Variants in MAN1C1 observed in about 807,000 individuals in gnomAD.
The protein encoded by MAN1C1 is mannosidase alpha class 1C member 1.
MAN1C1 carries 49 observed loss-of-function variants against 71.5 expected under a neutral mutation model. The ratio of observed to expected loss-of-function variants is 0.69; its 90% CI spans 0.54 to 0.87. The LOEUF (loss-of-function observed/expected upper bound fraction) is 0.87, where lower values mean the gene tolerates loss of function less well. Ranked by LOEUF, MAN1C1 falls within the 40% of genes least tolerant of loss-of-function variation. The pLI is 0.00. For synonymous variants in MAN1C1, 352 were observed against 343.7 expected (o/e 1.02, Z -0.27); for missense variants, 743 against 835.0 (o/e 0.89, Z 1.36).
chr1:25,634,119 A>AT lies in MAN1C1; in HGVS notation c.540+15788dup, dbSNP rs201099257. On this transcript the variant is annotated intron_variant, in intron 1 of 11. Transcript: ENST00000374332. This position sits in a 1 kb window ranked among gnomAD's most constrained non-coding sequence, Gnocchi z 4.6. Reference sequence around the variant, plus strand: ...TTGAACCAATTTATTATGTATATATATTTTTTGGTAGCTTTCTTAGGATCT... The same window carrying AT: ...TTGAACCAATTTATTATGTATATATATTTTTTTGGTAGCTTTCTTAGGATCT... 7.9e-5 allele frequency among the ~76,000 whole-genome samples: 12 copies of AT among 152,222 alleles called. No homozygotes were observed. In the East Asian group the frequency reaches 2.3e-3, roughly 29 times the overall value.
chr1:25,766,835 C>T (rs927382738), intron 7 of MAN1C1, among the ~76,000 whole-genome samples: 1 of 152,072 alleles, frequency 6.6e-6, no homozygotes, highest in African/African-American at 2.4e-5. Context: ...TCCAGACCTC[C>T]TTGGTAGGTA....
At chr1:25,736,820 C>G (rs1331038240) in intron 2 of MAN1C1, among the ~76,000 whole-genome samples, 2 of 152,354 alleles carry the variant, frequency 1.3e-5, no homozygotes, top group East Asian at 3.9e-4. Context: ...AGCCACTGCA[C>G]CCCGGCTCAT....
At chr1:25,624,998 A>ATTTTTTT (rs1032269792) in intron 1 of MAN1C1, among the ~76,000 whole-genome samples, 55 of 101,590 alleles carry the variant, frequency 5.4e-4, no homozygotes, top group Admixed American at 7.8e-4. Flanking sequence ...AAATGCACAG[A>ATTTTTTT]TTTTTTTTTT....
intron 2 of MAN1C1, chr1:25,709,555 A>G (rs958183232): frequency 6.6e-6 from 1 of 152,206 alleles, no homozygotes; most frequent in African/African-American, 2.4e-5. Context: ...AGTTGTGTTA[A>G]TCAGATGTGG....
intron 1 of MAN1C1, among the ~76,000 whole-genome samples, chr1:25,650,046 T>C (rs990029733): frequency 2.6e-5 from 4 of 151,718 alleles, no homozygotes; most frequent in South Asian, 2.1e-4. Flanking sequence ...GTTGCCAAAG[T>C]TGGGGGAGGG....
rs559786732 is a variant in MAN1C1, at chr1:25,729,018, C to T, written c.638-17650C>T. ...AATGCTGTTCCAGCCTTCTCGGCAGCCTCTTGCCCCTTCGTTAGCTTCTAA... is the reference window on the plus strand; with the variant it reads ...AATGCTGTTCCAGCCTTCTCGGCAGTCTCTTGCCCCTTCGTTAGCTTCTAA... On this transcript the variant is annotated intron_variant, in intron 2 of 11. Transcript: ENST00000374332. 5.9e-5 allele frequency among the ~76,000 whole-genome samples: 9 copies of T among 152,336 alleles called. No individual in the cohort carries two copies. The South Asian group carries it at 1.4e-3, about 25-fold the overall frequency.
chr1:25,677,954 G>A (rs571777407), intron 1 of MAN1C1, among the ~76,000 whole-genome samples: 2 of 145,056 alleles, frequency 1.4e-5, no homozygotes, highest in East Asian at 2.1e-4. Context: ...AGCACCATAC[G>A]ATGTCTTCTT....
chr1:25,677,986 C>T (rs1204490132), intron 1 of MAN1C1, among the ~76,000 whole-genome samples: 1 of 150,750 alleles, frequency 6.6e-6, no homozygotes, highest in Non-Finnish European at 1.5e-5. Context: ...TTTTAACAAC[C>T]TGTATTTTTC....
intron 7 of MAN1C1, among the ~76,000 whole-genome samples, chr1:25,765,612 T>C (rs2047417049): frequency 6.6e-6 from 1 of 152,240 alleles, no homozygotes; most frequent in Admixed American, 6.5e-5. Flanking sequence ...ATGCATTCTT[T>C]GTGTGCCATG....
At chr1:25,709,986 T>G (rs2046593030) in intron 2 of MAN1C1, 1 of 152,274 alleles carries the variant, frequency 6.6e-6, no homozygotes, top group Admixed American at 6.5e-5. Flanking sequence ...CCTCAGGCGA[T>G]CTGCCTGCCT....
At chr1:25,633,348 G>T (rs934128953) in intron 1 of MAN1C1, among the ~76,000 whole-genome samples, 22 of 151,960 alleles carry the variant, frequency 1.4e-4, no homozygotes, top group African/African-American at 5.3e-4. Context: ...TTATTTCTTT[G>T]TTGATGTTTT....
rs1168868482 is a variant in MAN1C1, at chr1:25,778,308, G to A, written c.1461G>A (p.Glu487=). ...LAAQITKTCH[E]SYARSDTKLG... ...CCCAGATCACCAAGACGTGTCACGAGTCATACGCCCGCTCAGGTAACCCTG... is the reference window on the plus strand; with the variant it reads ...CCCAGATCACCAAGACGTGTCACGAATCATACGCCCGCTCAGGTAACCCTG... The change falls in exon 9 of 12, where the codon GAG becomes GAA. Residue 487 remains glutamate, a synonymous_variant. Coordinates refer to ENST00000374332, the MANE Select transcript of MAN1C1 (RefSeq NM_020379.4). The surrounding 1 kb of genome is among the most constrained non-coding windows in gnomAD (Gnocchi z 5.5). The A allele has an allele frequency of 1.2e-6, 2 of 1,611,612 alleles. No individual in the cohort carries two copies. Among genetic ancestry groups the A allele is most frequent in the Non-Finnish European group, 1.7e-6 (2 of 1,178,432 alleles).
chr1:25,677,265 A>G (rs3767891), intron 1 of MAN1C1, among the ~76,000 whole-genome samples: 12,359 of 151,964 alleles, frequency 0.081, 888 homozygotes, highest in East Asian at 0.28. Flanking sequence ...CTATCATTGG[A>G]GCTTTGTTTT....
In MAN1C1 at chr1:25,783,780, C is replaced by T. The variant is rs764834000; in HGVS notation, c.1884C>T (p.Gly628=). 6.2e-7 allele frequency: 1 copy of T among 1,610,968 alleles called. No individual in the cohort carries two copies. The highest frequency in any genetic ancestry group is 2.2e-5 in the East Asian group (1 of 44,888). Residue 628 remains glycine, a synonymous_variant, in exon 12 of 12, where the codon GGC becomes GGT. Coordinates refer to ENST00000374332, the MANE Select transcript of MAN1C1 (RefSeq NM_020379.4). Reference sequence around the variant, plus strand: ...CAGACAGCTCCGGCAGAGCCTGGGGCAGACACTGACCCCATCTCCTGCCGC... The same window carrying T: ...CAGACAGCTCCGGCAGAGCCTGGGGTAGACACTGACCCCATCTCCTGCCGC... ...NHSDSSGRAW[G]RH is the part of the protein sequence containing the mutation.
chr1:25,744,431 C>G (rs1484546958), intron 2 of MAN1C1, among the ~76,000 whole-genome samples: 1 of 152,142 alleles, frequency 6.6e-6, no homozygotes, highest in East Asian at 1.9e-4. Context: ...GGAAGCCATC[C>G]CAGGACGCAG....
rs2047555009 is a variant in MAN1C1, at chr1:25,771,764, G to C, written c.1249G>C (p.Ala417Pro). 1 of 1,612,434 alleles carries C rather than the reference G, an allele frequency of 6.2e-7. No homozygotes were observed. Among genetic ancestry groups the C allele is most frequent in the South Asian group, 1.1e-5 (1 of 91,052 alleles). ...DMEAKNMYYE[A>P]LEAIETYLLN... is the part of the protein sequence containing the mutation. ...GGAGGCTAAAAATATGTACTACGAAGCCTTGGAGGTAAGACAAGCCCTGGA... is the reference window on the plus strand; with the variant it reads ...GGAGGCTAAAAATATGTACTACGAACCCTTGGAGGTAAGACAAGCCCTGGA... Residue 417 changes from alanine to proline, a missense_variant, in exon 8 of 12, where the codon GCC (alanine) becomes CCC (proline). By Grantham distance (27) the Ala-to-Pro change is conservative. Coordinates refer to ENST00000374332, the MANE Select transcript of MAN1C1 (RefSeq NM_020379.4).
chr1:25,747,179 GC>G (rs2047141614), intron 3 of MAN1C1, among the ~76,000 whole-genome samples: 1 of 152,232 alleles, frequency 6.6e-6, no homozygotes, highest in African/African-American at 2.4e-5. Context: ...TCTGCTGAGA[GC>G]TGCTCCAGCC....
chr1:25,661,649 G>A (rs1252671418), intron 1 of MAN1C1, among the ~76,000 whole-genome samples: 1 of 152,178 alleles, frequency 6.6e-6, no homozygotes, highest in Admixed American at 6.5e-5. Flanking sequence ...CTTTGTGGAA[G>A]ACAGGCAGGA....
Position 25,781,117 on chromosome 1 carries a change from G to C in MAN1C1, c.1650+5G>C, listed in dbSNP as rs756941796. On this transcript the variant is annotated splice_donor_5th_base_variant and intron_variant, in intron 10 of 11. Coordinates refer to ENST00000374332, the MANE Select transcript of MAN1C1 (RefSeq NM_020379.4). ...TGGGGCTGGGAGGTGGTGCTGGTGA[G>C]TGGGCCCCAGGGATGGGCAGCAAGG... 1.2e-6 allele frequency: 2 copies of C among 1,613,584 alleles called. No individual in the cohort carries two copies. Among genetic ancestry groups the C allele is most frequent in the Admixed American group, 3.3e-5 (2 of 59,978 alleles).
Sources: gnomAD v4.1 joint callset for allele counts (sites outside exome capture counted in the v4.1 genomes callset) on GRCh38, gnomAD v4.1.1 for gene constraint, Gnocchi (gnomAD v3.1) non-coding constraint, MANE v1.5 for transcripts, NCBI Gene and HGNC (gene_info 2026-07-23, HGNC 2026-07-21) for gene names.